SUGT1: variants seen among roughly 807,000 people sequenced by gnomAD.
The protein encoded by SUGT1 is SGT1 assembly cochaperone of MIS12 kinetochore complex, also known as protein SGT1 homolog.
A neutral mutation model predicts 56.1 loss-of-function variants in SUGT1; 15 were observed. The observed-to-expected ratio is 0.27, with a 90% confidence interval of 0.18 to 0.41. The LOEUF (loss-of-function observed/expected upper bound fraction) is 0.41, where lower values mean the gene tolerates loss of function less well. Among genes scored for constraint, SUGT1 ranks in the 10% least tolerant of loss-of-function variants. The pLI is 1.00. For synonymous variants in SUGT1, 123 were observed against 128.6 expected (o/e 0.96, Z 0.30); for missense variants, 347 against 382.2 (o/e 0.91, Z 0.77).
Position 52,670,115 on chromosome 13 carries a change from C to T in SUGT1, c.627+3196C>T, listed in dbSNP as rs1438685084. 2.0e-5 allele frequency among the ~76,000 whole-genome samples: 3 copies of T among 152,232 alleles called. No individual in the cohort carries two copies. In the South Asian group the frequency reaches 6.2e-4, roughly 32 times the overall value. On this transcript the variant is annotated intron_variant, in intron 10 of 12. Transcript: ENST00000310528. The stretch of plus-strand genomic sequence containing the variant: ...CTTTTGGGAATTCTCTTTTCTTTCC[C>T]ACCTTCAAGATTGAATGAATGTTGC...
intron 8 of SUGT1, 71 bp downstream of exon 8, chr13:52,664,128 T>C (rs1175147581): frequency 1.3e-5 from 19 of 1,454,486 alleles, no homozygotes; most frequent in East Asian, 6.9e-5. Context: ...TGTAGTTTAA[T>C]AGTAAGCAAA....
At position 52,660,232 on chromosome 13, in the gene SUGT1, G is replaced by T. The variant is rs140234051; in HGVS notation, c.328+983G>T. On this transcript the variant is annotated intron_variant, in intron 5 of 12. Coordinates refer to ENST00000310528, the MANE Select transcript of SUGT1 (RefSeq NM_006704.5). ...ACTTGTATTATCATTTTATCTTTAT[G>T]TTATGATAGAGTTTTATCACAGTTC... 5.9e-5 allele frequency among the ~76,000 whole-genome samples: 9 copies of T among 152,202 alleles called. No individual in the cohort carries two copies. In the East Asian group the frequency reaches 1.7e-3, roughly 29 times the overall value.
intron 10 of SUGT1, among the ~76,000 whole-genome samples, chr13:52,671,659 T>G (rs1302450536): frequency 6.6e-6 from 1 of 152,190 alleles, no homozygotes; most frequent in African/African-American, 2.4e-5. Context: ...CTGTTGTTAT[T>G]TGCCAGACGT....
intron 2 of SUGT1, among the ~76,000 whole-genome samples, chr13:52,653,597 A>AT (rs377716035): frequency 4.6e-5 from 7 of 151,616 alleles, no homozygotes; most frequent in African/African-American, 1.7e-4. Context: ...ATTCATCAAA[A>AT]TTTTTTTTTG....
intron 11 of SUGT1, among the ~76,000 whole-genome samples, chr13:52,678,978 G>A (rs187902927): frequency 6.6e-6 from 1 of 151,966 alleles, no homozygotes. Context: ...CCCCATGCCC[G>A]GCCTCTGTTG....
In SUGT1 at chr13:52,688,550, TTTATCACGACAGGATTCTTGAAA is replaced by T. The variant is rs1190587887; in HGVS notation, c.*719_*741del. 1 of 152,212 alleles carries T rather than the reference TTTATCACGACAGGATTCTTGAAA, an allele frequency of 6.6e-6. No homozygotes were observed. Among genetic ancestry groups the T allele is most frequent in the East Asian group, 1.9e-4 (1 of 5,196 alleles). 9.4% of individuals were successfully genotyped at this position (152,212 alleles called of 1,614,324 possible). On this transcript the variant is annotated 3_prime_UTR_variant, in exon 13 of 13. Transcript: ENST00000310528. Reference sequence around the variant, plus strand: ...GGAAAGCCCAACTCCACTTGCTTCTTTTATCACGACAGGATTCTTGAAATTACAGCATTGGTGGGTTTTTTGGT... The same window carrying T: ...GGAAAGCCCAACTCCACTTGCTTCTTTTACAGCATTGGTGGGTTTTTTGGT...
intron 5 of SUGT1, among the ~76,000 whole-genome samples, chr13:52,659,816 T>TATATATA (rs1962350522): frequency 4.1e-5 from 1 of 24,324 alleles, no homozygotes; most frequent in African/African-American, 2.8e-4. Context: ...ATATATATAT[T>TATATATA]TTTTTTTTTT....
rs767645050 is a variant in SUGT1, at chr13:52,666,898, G to A, written c.606G>A (p.Thr202=). 2.0e-5 allele frequency: 33 copies of A among 1,612,228 alleles called. No homozygotes were observed. Among genetic ancestry groups the A allele is most frequent in the Admixed American group, 3.3e-5 (2 of 59,758 alleles). Residue 202 remains threonine, a synonymous_variant, in exon 10 of 13, where the codon ACG becomes ACA. Transcript: ENST00000310528. ...LLHPIIPEQS[T]FKVLSTKIEI... ...ATCCTATAATACCAGAACAGAGCAC[G>A]TTTAAAGTACTTTCAACAAAGGTAA...
intron 2 of SUGT1, among the ~76,000 whole-genome samples, chr13:52,655,434 G>C (rs1456501160): frequency 6.6e-6 from 1 of 152,198 alleles, no homozygotes; most frequent in African/African-American, 2.4e-5. Context: ...GAAATTTTCT[G>C]AATTACAAAA....
intron 11 of SUGT1, among the ~76,000 whole-genome samples, chr13:52,678,523 C>T (rs116625057): frequency 0.015 from 2,349 of 152,160 alleles, 62 homozygotes; most frequent in African/African-American, 0.053. Flanking sequence ...AACTGTAGCT[C>T]TTTTGTCCAA....
At chr13:52,677,762 A>G (rs1188859492) in intron 11 of SUGT1, among the ~76,000 whole-genome samples, 1 of 129,922 alleles carries the variant, frequency 7.7e-6, no homozygotes, top group Non-Finnish European at 1.6e-5. Flanking sequence ...TAACAATGGA[A>G]ACAGTCTTTG....
At chr13:52,659,789 AATATATATATATATATATATATAT>A (rs1213211180) in intron 5 of SUGT1, among the ~76,000 whole-genome samples, 1 of 48,974 alleles carries the variant, frequency 2.0e-5, no homozygotes, top group Admixed American at 3.9e-4. Flanking sequence ...GAGAGTCAAG[AATATATATATATATATATATATAT>A]ATTTTTTTTT....
At chr13:52,655,600 G>A (rs931315641) in intron 2 of SUGT1, among the ~76,000 whole-genome samples, 1 of 152,082 alleles carries the variant, frequency 6.6e-6, no homozygotes. Flanking sequence ...AAAATGCACC[G>A]GACTTGGTGA....
rs891739080 is a variant in SUGT1, at chr13:52,694,566, C to G, written c.*6731C>G. ...TGGTTTTCATTTCAATTTCAAAGCT[C>G]AAAACAGAAGGTAAAACTATTAGGA... On this transcript the variant is annotated 3_prime_UTR_variant, in exon 13 of 13. Coordinates refer to ENST00000310528, the MANE Select transcript of SUGT1 (RefSeq NM_006704.5). 6.6e-6 allele frequency: 1 copy of G among 152,142 alleles called. No homozygotes were observed. The highest frequency in any genetic ancestry group is 2.4e-5 in the African/African-American group (1 of 41,438). 9.4% of individuals were successfully genotyped at this position (152,142 alleles called of 1,614,324 possible). A position where few individuals can be genotyped will look rare whatever the true frequency, so the allele number is the denominator to read the frequency against.
intron 2 of SUGT1, among the ~76,000 whole-genome samples, chr13:52,656,150 G>A (rs1159515821): frequency 1.3e-5 from 2 of 152,164 alleles, no homozygotes; most frequent in African/African-American, 4.8e-5. Flanking sequence ...TGGCAAAGGA[G>A]ATGCAGTCAA....
At chr13:52,677,494 G>A (rs1963195786) in intron 11 of SUGT1, among the ~76,000 whole-genome samples, 1 of 152,138 alleles carries the variant, frequency 6.6e-6, no homozygotes. Context: ...TAGATTTTGA[G>A]GCTGAGGTTT....
At chr13:52,674,061 T>TC (rs201654214) in intron 10 of SUGT1, among the ~76,000 whole-genome samples, 1 of 141,638 alleles carries the variant, frequency 7.1e-6, no homozygotes, top group Non-Finnish European at 1.5e-5. Flanking sequence ...TACTTTTTTT[T>TC]TTTTTTTTTT....
chr13:52,668,000 T>G (rs973374909), intron 10 of SUGT1, among the ~76,000 whole-genome samples: 1 of 151,586 alleles, frequency 6.6e-6, no homozygotes, highest in Admixed American at 6.6e-5. Flanking sequence ...GTTTTTGAGA[T>G]GTAGTCTAGC....
rs1566179529 is a variant in SUGT1, at chr13:52,662,637, TTTTC to T, written c.329-6_329-3del. ...CAGATGAGTGATGTTATAGTCAGTT[TTTTC>T]TTTCTAGGTGCAGATGCTAATTTCA... On this transcript the variant is annotated splice_polypyrimidine_tract_variant and splice_region_variant and intron_variant, in intron 5 of 12. Coordinates refer to ENST00000310528, the MANE Select transcript of SUGT1 (RefSeq NM_006704.5). The T allele has an allele frequency of 1.2e-6, 2 of 1,613,764 alleles. No homozygotes were observed.
Sources: gnomAD v4.1 joint callset for allele counts (sites outside exome capture counted in the v4.1 genomes callset) on GRCh38, gnomAD v4.1.1 for gene constraint, MANE v1.5 for transcripts, NCBI Gene and HGNC (gene_info 2026-07-23, HGNC 2026-07-21) for gene names.